Variants in ANK3 observed in about 807,000 individuals in gnomAD.
ANK3 encodes ankyrin-3.
ANK3 carries 57 observed loss-of-function variants against 370.9 expected under a neutral mutation model. The observed-to-expected ratio is 0.15, with a 90% confidence interval of 0.12 to 0.19. The LOEUF is 0.19. Ranked by LOEUF, ANK3 falls within the 10% of genes least tolerant of loss-of-function variation. The probability of loss-of-function intolerance (pLI) is 1.00; values close to 1 mark genes in which losing one functional copy is unlikely to be tolerated. For synonymous variants in ANK3, 1,929 were observed against 1,946.3 expected (o/e 0.99, Z 0.23); for missense variants, 4,439 against 5,302.1 (o/e 0.84, Z 5.06).
At chr10:60,733,475 ATCC>A (rs2080057848) in exon 1 of ANK3, 2 of 597,340 alleles carry the variant, frequency 3.3e-6, no homozygotes, top group East Asian at 3.5e-5. Flanking sequence ...AGCGCGGCCT[ATCC>A]TCCTCCTGCT....
At chr10:60,254,342 A>C (rs578171796) in intron 7 of ANK3, among the ~76,000 whole-genome samples, 2 of 152,186 alleles carry the variant, frequency 1.3e-5, no homozygotes, top group African/African-American at 4.8e-5. Context: ...TTGCAAATGC[A>C]TCACTACACA....
intron 2 of ANK3, among the ~76,000 whole-genome samples, chr10:60,476,304 T>C (rs1429993256): frequency 1.3e-5 from 2 of 152,140 alleles, no homozygotes; most frequent in Admixed American, 6.6e-5. Context: ...TATCAAATGC[T>C]CGAAATATGG....
chr10:60,508,886 A>G (rs2076007463), intron 2 of ANK3, among the ~76,000 whole-genome samples: 1 of 152,154 alleles, frequency 6.6e-6, no homozygotes, highest in Non-Finnish European at 1.5e-5. Context: ...TAAACAATTG[A>G]TTGCTCTTCA....
chr10:60,241,684 C>T (rs2097460921), intron 7 of ANK3, among the ~76,000 whole-genome samples: 1 of 152,094 alleles, frequency 6.6e-6, no homozygotes, highest in East Asian at 1.9e-4. Context: ...TCCCATCAAA[C>T]TACTCAAGGT....
chr10:60,520,467 T>C (rs1298775689), intron 2 of ANK3, among the ~76,000 whole-genome samples: 1 of 152,128 alleles, frequency 6.6e-6, no homozygotes, highest in Non-Finnish European at 1.5e-5. Flanking sequence ...CCATCTCCGT[T>C]CCATTCCAAT....
At chr10:60,380,602 T>C (rs2061426829) in intron 1 of ANK3, among the ~76,000 whole-genome samples, 1 of 152,196 alleles carries the variant, frequency 6.6e-6, no homozygotes, top group African/African-American at 2.4e-5. Context: ...GTAGAATGCC[T>C]GGCCCACTGT....
chr10:60,721,717 A>T (rs1168986223), intron 1 of ANK3, among the ~76,000 whole-genome samples: 1 of 152,214 alleles, frequency 6.6e-6, no homozygotes, highest in Non-Finnish European at 1.5e-5. Flanking sequence ...AAGCTGCTTC[A>T]AGAATCCACA....
At chr10:60,380,004 C>T (rs533043193) in intron 1 of ANK3, among the ~76,000 whole-genome samples, 41 of 147,108 alleles carry the variant, frequency 2.8e-4, no homozygotes, top group African/African-American at 1.0e-3. Context: ...AATCGAAGAA[C>T]CCCCCCCAAA....
At chr10:60,356,433 G>A (rs556783438) in intron 1 of ANK3, among the ~76,000 whole-genome samples, 5 of 152,276 alleles carry the variant, frequency 3.3e-5, no homozygotes, top group African/African-American at 9.6e-5. Flanking sequence ...AGAAGGTGTG[G>A]CATCTACTGG....
At chr10:60,299,772 T>C (rs1360493606) in intron 1 of ANK3, among the ~76,000 whole-genome samples, 1 of 152,246 alleles carries the variant, frequency 6.6e-6, no homozygotes, top group Non-Finnish European at 1.5e-5. Context: ...TATTTATATC[T>C]ATGTGCAATT....
rs771847957 is a variant in ANK3, at chr10:60,196,245, T to C, written c.1789-2A>G. 4.3e-6 allele frequency: 7 copies of C among 1,613,344 alleles called. No homozygotes were observed. Among genetic ancestry groups the C allele is most frequent in the Non-Finnish European group, 5.9e-6 (7 of 1,179,514 alleles). Reference sequence around the variant, plus strand: ...TACATGCAGTGGTGTTAGCCCGCTCTGAAAACACGTGCAGAAACAACAACC... The same window carrying C: ...TACATGCAGTGGTGTTAGCCCGCTCCGAAAACACGTGCAGAAACAACAACC... On this transcript the variant is annotated splice_acceptor_variant, in intron 15 of 43. Coordinates refer to ENST00000280772, the MANE Select transcript of ANK3 (RefSeq NM_020987.5). LOFTEE classifies it high-confidence loss of function.
At chr10:60,559,272 C>A (rs184383822) in intron 2 of ANK3, among the ~76,000 whole-genome samples, 189 of 152,276 alleles carry the variant, frequency 1.2e-3, no homozygotes, top group Non-Finnish European at 2.0e-3. Context: ...CCCCCCAACC[C>A]TTTCCCCAGT....
chr10:60,560,338 C>T (rs946718245), intron 2 of ANK3, among the ~76,000 whole-genome samples: 2 of 152,092 alleles, frequency 1.3e-5, no homozygotes, highest in African/African-American at 4.8e-5. Flanking sequence ...CTATGAAAGA[C>T]AGTGAAAACT....
chr10:60,472,557 G>A (rs994209547), intron 2 of ANK3, among the ~76,000 whole-genome samples: 12 of 152,260 alleles, frequency 7.9e-5, no homozygotes, highest in Non-Finnish European at 1.8e-4. Context: ...TCAGCTATGG[G>A]ACTTCTCAGA....
intron 2 of ANK3, among the ~76,000 whole-genome samples, chr10:60,559,700 A>G (rs1157240503): frequency 6.6e-6 from 1 of 152,182 alleles, no homozygotes; most frequent in Non-Finnish European, 1.5e-5. Context: ...TCTTTCGACC[A>G]CAAGCCCATG....
rs1036862068 is a variant in ANK3, at chr10:60,481,831, C to T, written c.96+133355G>A. Among the ~76,000 whole-genome samples, 17 of 152,204 alleles carry T rather than the reference C, an allele frequency of 1.1e-4. No homozygotes were observed. The East Asian group carries it at 2.3e-3, about 21-fold the overall frequency. On this transcript the variant is annotated intron_variant, in intron 2 of 43. Coordinates refer to the ANK3 transcript ENST00000373827. Reference sequence around the variant, plus strand: ...AGCCGTCATACCATACTTTCATTTGCATCCTAGCACAGACACCTAAACATT... The same window carrying T: ...AGCCGTCATACCATACTTTCATTTGTATCCTAGCACAGACACCTAAACATT...
In ANK3 at chr10:60,196,180, A is replaced by G. The variant is rs1324842328; in HGVS notation, c.1852T>C (p.Leu618=). Residue 618 remains leucine, a synonymous_variant, in exon 16 of 44, where the codon TTG becomes CTG. Coordinates refer to ENST00000280772, the MANE Select transcript of ANK3 (RefSeq NM_020987.5). ...YDNQKVALLL[L]DQGASPHAAA... is the part of the protein sequence containing the mutation. ...GCGTGAGGTGAGGCTCCTTGGTCCAAAAGCAGAAGGGCCACTTTCTGATTA... is the reference window on the plus strand; with the variant it reads ...GCGTGAGGTGAGGCTCCTTGGTCCAGAAGCAGAAGGGCCACTTTCTGATTA... 1.2e-6 allele frequency: 2 copies of G among 1,613,956 alleles called. No individual in the cohort carries two copies. Among genetic ancestry groups the G allele is most frequent in the East Asian group, 2.2e-5 (1 of 44,876 alleles).
chr10:60,429,318 A>G (rs1374928350), intron 2 of ANK3, among the ~76,000 whole-genome samples: 2 of 152,128 alleles, frequency 1.3e-5, no homozygotes, highest in Non-Finnish European at 2.9e-5. Flanking sequence ...AGGAGAAAGT[A>G]AGAAAGAAAG....
intron 23 of ANK3, among the ~76,000 whole-genome samples, chr10:60,141,630 TG>T (rs149788972): frequency 0.019 from 2,384 of 128,298 alleles, 79 homozygotes; most frequent in African/African-American, 0.069. Context: ...CCTGGAGAAT[TG>T]GGCTCAAAAG....
Sources: gnomAD v4.1 joint callset for allele counts (sites outside exome capture counted in the v4.1 genomes callset) on GRCh38, gnomAD v4.1.1 for gene constraint, MANE v1.5 for transcripts, NCBI Gene and HGNC (gene_info 2026-07-23, HGNC 2026-07-21) for gene names.